The following CADPS variants were observed in gnomAD, a reference collection of about 807,000 sequenced individuals.
CADPS encodes the protein calcium dependent secretion activator, also known as calcium-dependent secretion activator 1.
CADPS carries 57 observed loss-of-function variants against 167.3 expected under a neutral mutation model. The ratio of observed to expected loss-of-function variants is 0.34; its 90% CI spans 0.28 to 0.42. The LOEUF is 0.42. Among genes scored for constraint, CADPS ranks in the 20% least tolerant of loss-of-function variants. The pLI, the probability that CADPS is intolerant of heterozygous loss-of-function variation, is 1.00. For synonymous variants in CADPS, 676 were observed against 635.3 expected, an observed-to-expected ratio of 1.06 and a Z score of -0.96; for missense variants, 1,414 against 1,738.1, an observed-to-expected ratio of 0.81 and a Z score of 3.32.
At chr3:62,795,536 T>C (rs767367161) in intron 1 of CADPS, among the ~76,000 whole-genome samples, 16 of 152,208 alleles carry the variant, frequency 1.1e-4, no homozygotes, top group Non-Finnish European at 1.5e-4. Context: ...TTACTAAGGC[T>C]TGTATTTTTA....
At chr3:62,612,433 T>G (rs1238566443) in intron 6 of CADPS, among the ~76,000 whole-genome samples, 1 of 152,240 alleles carries the variant, frequency 6.6e-6, no homozygotes, top group African/African-American at 2.4e-5. Context: ...CCTCTCCAGC[T>G]GCCCAACCTC....
At position 62,753,079 on chromosome 3, in the gene CADPS, C is replaced by G. The variant is rs1458790910; in HGVS notation, c.888+362G>C. Among the ~76,000 whole-genome samples, 1 of 152,164 alleles carries G rather than the reference C, an allele frequency of 6.6e-6. No individual in the cohort carries two copies. Among genetic ancestry groups the G allele is most frequent in the African/African-American group, 2.4e-5 (1 of 41,426 alleles). The stretch of plus-strand genomic sequence containing the variant: ...GTCTTCCCAGCTGAGGAAGCACAAG[C>G]CCTTCAACTGGCAAACACCAAAGGC... On this transcript the variant is annotated intron_variant, in intron 3 of 29. Transcript: ENST00000383710. The surrounding 1 kb of genome is among the most constrained non-coding windows in gnomAD (Gnocchi z 4.6).
chr3:62,578,187 CTTT>C (rs34788967), intron 8 of CADPS, among the ~76,000 whole-genome samples: 7,869 of 142,544 alleles, frequency 0.055, 252 homozygotes, highest in Non-Finnish European at 0.07. Context: ...CATGCTAACA[CTTT>C]TTTTTTTTTT....
At chr3:62,849,584 G>A (rs1212645348) in intron 1 of CADPS, among the ~76,000 whole-genome samples, 1 of 126,646 alleles carries the variant, frequency 7.9e-6, no homozygotes, top group Non-Finnish European at 1.7e-5. Flanking sequence ...TACATTTATT[G>A]ATTTGCGTAT....
At chr3:62,778,694 C>T (rs1336228156) in intron 1 of CADPS, among the ~76,000 whole-genome samples, 1 of 152,158 alleles carries the variant, frequency 6.6e-6, no homozygotes, top group East Asian at 1.9e-4. Flanking sequence ...GGAATAGAAA[C>T]CCAGGTATGT....
At chr3:62,782,937 T>G (rs1196208888) in intron 1 of CADPS, among the ~76,000 whole-genome samples, 1 of 151,986 alleles carries the variant, frequency 6.6e-6, no homozygotes, top group East Asian at 1.9e-4. Flanking sequence ...TTTTTGTATT[T>G]TTAGTAGAGA....
At chr3:62,515,669 T>C (rs2068800985) in intron 16 of CADPS, among the ~76,000 whole-genome samples, 1 of 152,058 alleles carries the variant, frequency 6.6e-6, no homozygotes, top group Admixed American at 6.6e-5. Flanking sequence ...CTTCCAATGC[T>C]ATCAGCAGCG....
chr3:62,462,860 C>T (rs2059530280), intron 26 of CADPS, among the ~76,000 whole-genome samples: 1 of 152,148 alleles, frequency 6.6e-6, no homozygotes, highest in South Asian at 2.1e-4. Context: ...ACTCAGAATC[C>T]ATGTGTGGAG....
intron 6 of CADPS, among the ~76,000 whole-genome samples, chr3:62,609,502 T>C (rs568236572): frequency 6.6e-6 from 1 of 152,302 alleles, no homozygotes; most frequent in Non-Finnish European, 1.5e-5. Flanking sequence ...CTAGAGATGC[T>C]GTGGTTATAA....
Position 62,472,952 on chromosome 3 carries a change from G to A in CADPS, c.3477+1221C>T, listed in dbSNP as rs190847973. ...TGGAACAGCCAGCAGCATTAGCATC[G>A]CCACGGAACTTGTCAGAAATGCCAA... On this transcript the variant is annotated intron_variant, in intron 24 of 29. Transcript: ENST00000383710. Among the ~76,000 whole-genome samples the A allele has an allele frequency of 1.0e-3, 155 of 152,272 alleles. 1 individual carries two copies. The highest frequency in any genetic ancestry group is 1.3e-3 in the Admixed American group (20 of 15,300).
chr3:62,599,696 A>C (rs1289604737), intron 6 of CADPS, among the ~76,000 whole-genome samples: 1 of 45,996 alleles, frequency 2.2e-5, no homozygotes, highest in African/African-American at 9.3e-5. Flanking sequence ...TAATATTATA[A>C]TATATATATT....
intron 10 of CADPS, among the ~76,000 whole-genome samples, chr3:62,555,493 C>G (rs55866958): frequency 0.082 from 12,484 of 152,274 alleles, 553 homozygotes; most frequent in Middle Eastern, 0.13. Context: ...GGAGTCCCAG[C>G]TCAGCCACCA....
intron 29 of CADPS, among the ~76,000 whole-genome samples, chr3:62,401,128 G>T (rs1317269758): frequency 6.6e-6 from 1 of 152,218 alleles, no homozygotes; most frequent in African/African-American, 2.4e-5. Flanking sequence ...AAGCTAGACA[G>T]CTACCTGAAC....
At chr3:62,675,393 T>C (rs931940944) in intron 3 of CADPS, among the ~76,000 whole-genome samples, 1 of 152,200 alleles carries the variant, frequency 6.6e-6, no homozygotes, top group Non-Finnish European at 1.5e-5. Context: ...CTTGATTCTC[T>C]AGTTTACCTG....
chr3:62,416,745 G>A (rs2050135698), intron 28 of CADPS, among the ~76,000 whole-genome samples: 2 of 152,176 alleles, frequency 1.3e-5, no homozygotes, highest in East Asian at 3.9e-4. Flanking sequence ...AAAACTGGAG[G>A]TTCTTCCTGG....
At chr3:62,663,026 C>T (rs2073641651) in intron 3 of CADPS, among the ~76,000 whole-genome samples, 1 of 152,158 alleles carries the variant, frequency 6.6e-6, no homozygotes, top group African/African-American at 2.4e-5. Flanking sequence ...GGACAATTCC[C>T]TAACTTCTCT....
intron 13 of CADPS, among the ~76,000 whole-genome samples, chr3:62,529,692 C>A (rs1299297898): frequency 6.6e-6 from 1 of 152,196 alleles, no homozygotes; most frequent in East Asian, 1.9e-4. Flanking sequence ...GATTGACAGC[C>A]TGCCACATTC....
chr3:62,574,748 A>G (rs2081961119), intron 8 of CADPS, among the ~76,000 whole-genome samples: 2 of 152,168 alleles, frequency 1.3e-5, no homozygotes, highest in South Asian at 4.1e-4. Context: ...GTGCTCTGTA[A>G]GACAGGTCAG....
intron 1 of CADPS, among the ~76,000 whole-genome samples, chr3:62,772,747 G>A (rs1214196266): frequency 6.6e-6 from 1 of 152,154 alleles, no homozygotes; most frequent in Non-Finnish European, 1.5e-5. Flanking sequence ...ATGCTTATTG[G>A]TTAATATGTG....
Sources: gnomAD v4.1 joint callset for allele counts (sites outside exome capture counted in the v4.1 genomes callset) on GRCh38, gnomAD v4.1.1 for gene constraint, Gnocchi (gnomAD v3.1) non-coding constraint, MANE v1.5 for transcripts, NCBI Gene and HGNC (gene_info 2026-07-23, HGNC 2026-07-21) for gene names.